ARPP21: variants seen among roughly 807,000 people sequenced by gnomAD.
ARPP21 encodes cAMP regulated phosphoprotein 21, also known as cAMP-regulated phosphoprotein 21.
In ARPP21, 69 loss-of-function variants were observed where a neutral mutation model predicts 113.2. The observed-to-expected ratio is 0.61, with a 90% CI of 0.50 to 0.74. The LOEUF is 0.74. ARPP21 is among the 30% of genes least tolerant of loss of function. ARPP21 has a pLI of 0.00. For missense variants in ARPP21, 1,070 were observed against 1,037.4 expected, an observed-to-expected ratio of 1.03 and a Z score of -0.43; for synonymous variants, 368 against 375.5, an observed-to-expected ratio of 0.98 and a Z score of 0.23.
chr3:35,747,148 C>A (rs796912673), intron 19 of ARPP21, among the ~76,000 whole-genome samples: 2 of 151,916 alleles, frequency 1.3e-5, no homozygotes, highest in South Asian at 4.2e-4. Flanking sequence ...GTCAGGAGCT[C>A]GAGACCAGCC....
intron 3 of ARPP21, 69 bp from the exon 4 acceptor site, chr3:35,682,779 G>A (rs1173704663): frequency 7.3e-6 from 10 of 1,378,554 alleles, no homozygotes; most frequent in South Asian, 2.5e-5. Context: ...TCTCTCTCTC[G>A]GTTGTTGATT....
At chr3:35,686,464 T>C (rs997837163) in intron 5 of ARPP21, among the ~76,000 whole-genome samples, 12 of 151,690 alleles carry the variant, frequency 7.9e-5, no homozygotes, top group Non-Finnish European at 1.3e-4. Context: ...ATTATAAGCA[T>C]AGTGAAACAG....
chr3:35,643,065 A>G (rs1039448854), intron 1 of ARPP21, among the ~76,000 whole-genome samples: 14 of 152,140 alleles, frequency 9.2e-5, no homozygotes, highest in African/African-American at 3.4e-4. Context: ...ACATTTGTAT[A>G]TATGCAGAAC....
chr3:35,754,042 C>T (rs183805548), intron 19 of ARPP21, among the ~76,000 whole-genome samples: 111 of 144,494 alleles, frequency 7.7e-4, no homozygotes, highest in Admixed American at 2.6e-3. Context: ...TTTTTTTGCT[C>T]CTTGGGGTTG....
chr3:35,716,696 G>A (rs1310222102), intron 12 of ARPP21, among the ~76,000 whole-genome samples: 1 of 151,822 alleles, frequency 6.6e-6, no homozygotes, highest in East Asian at 1.9e-4. Context: ...CAGATTCATG[G>A]GAAACCTTAT....
intron 18 of ARPP21, 71 bp downstream of exon 18, chr3:35,739,648 T>G (rs1277146400): frequency 6.6e-7 from 1 of 1,509,606 alleles, no homozygotes; most frequent in Non-Finnish European, 8.9e-7. Flanking sequence ...TCTTTCTATG[T>G]AGAAAATAAC....
intron 19 of ARPP21, among the ~76,000 whole-genome samples, chr3:35,768,876 A>G (rs1207042753): frequency 6.6e-6 from 1 of 152,220 alleles, no homozygotes; most frequent in Non-Finnish European, 1.5e-5. Flanking sequence ...AATTCACTTT[A>G]CAGGCATAGT....
At chr3:35,681,565 ACTTGATTTCAT>A (rs2078940194) in intron 2 of ARPP21, 138 bp from the exon 3 acceptor site, 1 of 551,950 alleles carries the variant, frequency 1.8e-6, no homozygotes, top group Non-Finnish European at 3.2e-6. Flanking sequence ...TGCCTTGGGT[ACTTGATTTCAT>A]CTTGTTTTTT....
chr3:35,792,831 A>G lies in ARPP21; in HGVS notation c.2286+301A>G, dbSNP rs550266036. ...TAAAGACCTTTGGAAATTTTATTGC[A>G]TTTTGCTTATTGGTAGAAAGTCCTC... is the stretch of plus-strand genomic sequence containing the variant. On this transcript the variant is annotated intron_variant, in intron 20 of 20. Coordinates refer to ENST00000684406, the MANE Select transcript of ARPP21 (RefSeq NM_001385562.1). 7.9e-5 allele frequency among the ~76,000 whole-genome samples: 12 copies of G among 152,250 alleles called. No individual in the cohort carries two copies. The South Asian group carries it at 2.3e-3, about 29-fold the overall frequency.
intron 1 of ARPP21, among the ~76,000 whole-genome samples, chr3:35,679,465 A>G (rs1156949797): frequency 6.6e-6 from 1 of 151,532 alleles, no homozygotes; most frequent in Non-Finnish European, 1.5e-5. Context: ...TCATTGAGGC[A>G]AACACACAAG....
At chr3:35,659,599 G>A (rs370580966) in intron 1 of ARPP21, among the ~76,000 whole-genome samples, 1 of 152,150 alleles carries the variant, frequency 6.6e-6, no homozygotes, top group South Asian at 2.1e-4. Flanking sequence ...ATAAGTGCTG[G>A]AGTGCAGGTG....
chr3:35,792,973 GC>G (rs1257722960), intron 20 of ARPP21, among the ~76,000 whole-genome samples: 2 of 152,164 alleles, frequency 1.3e-5, no homozygotes, highest in Non-Finnish European at 2.9e-5. Context: ...CATTTCTGGA[GC>G]CTAGCAACTA....
At chr3:35,683,638 A>C (rs912632161) in intron 4 of ARPP21, 88 bp from the exon 5 acceptor site, 28 of 708,452 alleles carry the variant, frequency 4.0e-5, no homozygotes, top group Non-Finnish European at 6.4e-5. Context: ...GAAGTTATGT[A>C]AATGTGGAGA....
chr3:35,662,211 G>A (rs1708143513), intron 1 of ARPP21, among the ~76,000 whole-genome samples: 1 of 152,168 alleles, frequency 6.6e-6, no homozygotes, highest in Admixed American at 6.5e-5. Flanking sequence ...GTACCAATTG[G>A]CATACATGTG....
At chr3:35,737,405 A>G in intron 16 of ARPP21, 43 bp downstream of exon 16, 4 of 1,388,470 alleles carry the variant, frequency 2.9e-6, no homozygotes, top group Non-Finnish European at 4.0e-6. Context: ...GTACCCTGAG[A>G]TGAAGGCTAC....
chr3:35,645,220 A>C (rs928330408), intron 1 of ARPP21, among the ~76,000 whole-genome samples: 5 of 151,848 alleles, frequency 3.3e-5, no homozygotes, highest in African/African-American at 7.2e-5. Context: ...CTACATTCTC[A>C]CATTTCACAC....
rs1240329604 is a variant in ARPP21 at position 35,792,367 on chromosome 3, C to T, written c.2138-15C>T. ...TTTCTGCACAACCAGTTCAAAAGATCTCTTTTCTTCGCAGGTTACCAGCCA... is the reference window on the plus strand; with the variant it reads ...TTTCTGCACAACCAGTTCAAAAGATTTCTTTTCTTCGCAGGTTACCAGCCA... On this transcript the variant is annotated splice_polypyrimidine_tract_variant and intron_variant, in intron 19 of 20. Coordinates refer to ENST00000684406, the MANE Select transcript of ARPP21 (RefSeq NM_001385562.1). 3 of 1,613,362 alleles carry T rather than the reference C, an allele frequency of 1.9e-6. No homozygotes were observed. Among genetic ancestry groups the T allele is most frequent in the Non-Finnish European group, 2.5e-6 (3 of 1,179,484 alleles).
intron 2 of ARPP21, among the ~76,000 whole-genome samples, chr3:35,680,241 A>G (rs575947436): frequency 6.6e-6 from 1 of 151,916 alleles, no homozygotes; most frequent in Non-Finnish European, 1.5e-5. Context: ...CCAGTGGAAA[A>G]TGGAACTTTT....
chr3:35,786,547 T>C lies in ARPP21; in HGVS notation c.2138-5835T>C, dbSNP rs147300017. Reference sequence around the variant, plus strand: ...ATCTCAAAAAAAAAAAAAAAAGTTCTACTTAGGGTTTTAGATTACATAAAT... The same window carrying C: ...ATCTCAAAAAAAAAAAAAAAAGTTCCACTTAGGGTTTTAGATTACATAAAT... On this transcript the variant is annotated intron_variant, in intron 19 of 20. Transcript: ENST00000684406. 8.4e-3 allele frequency among the ~76,000 whole-genome samples: 1,268 copies of C among 151,668 alleles called. 21 individuals are homozygous for C. Among genetic ancestry groups the C allele is most frequent in the African/African-American group, 0.029 (1,200 of 41,338 alleles).
Sources: allele counts gnomAD v4.1 joint callset (sites outside exome capture counted in the v4.1 genomes callset), GRCh38; gene constraint gnomAD v4.1.1; transcripts MANE v1.5; gene names NCBI Gene and HGNC (gene_info 2026-07-23, HGNC 2026-07-21).